Variants in DCC observed in about 807,000 individuals in gnomAD.
The protein encoded by DCC is DCC netrin 1 receptor.
A neutral mutation model predicts 172.5 loss-of-function variants in DCC; 58 were observed. That is an observed-to-expected ratio of 0.34 (90% CI 0.27 to 0.42). DCC has a LOEUF of 0.42. DCC is among the 10% of genes least tolerant of loss of function. The pLI is 1.00. For missense variants in DCC, 1,740 were observed against 1,791.0 expected, an observed-to-expected ratio of 0.97 and a Z score of 0.51; for synonymous variants, 709 against 644.5, an observed-to-expected ratio of 1.10 and a Z score of -1.52.
intron 5 of DCC, among the ~76,000 whole-genome samples, chr18:52,949,223 G>A (rs189759251): frequency 2.8e-4 from 43 of 152,310 alleles, no homozygotes; most frequent in Admixed American, 2.4e-3. Context: ...AACTTGAGAG[G>A]CTGAGACTGC....
intron 9 of DCC, among the ~76,000 whole-genome samples, chr18:53,179,908 G>A (rs963643588): frequency 6.6e-6 from 1 of 152,102 alleles, no homozygotes; most frequent in African/African-American, 2.4e-5. Context: ...TGAAATGCAT[G>A]GCTACTTGTT....
chr18:52,865,090 C>T (rs1308838856), intron 2 of DCC, among the ~76,000 whole-genome samples: 3 of 152,066 alleles, frequency 2.0e-5, no homozygotes, highest in African/African-American at 4.8e-5. Flanking sequence ...TGGTCTTGAT[C>T]TCCTGACCTC....
At chr18:52,941,065 A>G (rs2145523326) in intron 5 of DCC, 1 of 152,232 alleles carries the variant, frequency 6.6e-6, no homozygotes, top group Non-Finnish European at 1.5e-5. Context: ...GTGAAAAGGG[A>G]CACAATCAAA....
intron 7 of DCC, among the ~76,000 whole-genome samples, chr18:53,123,342 A>G (rs1265053829): frequency 2.6e-5 from 4 of 151,980 alleles, no homozygotes; most frequent in Non-Finnish European, 4.4e-5. Flanking sequence ...CAATATAGAC[A>G]AGACCTACAA....
At chr18:53,037,478 C>T (rs1163770964) in intron 5 of DCC, among the ~76,000 whole-genome samples, 2 of 151,922 alleles carry the variant, frequency 1.3e-5, no homozygotes, top group African/African-American at 4.8e-5. Flanking sequence ...GTCATTTGTA[C>T]AGCCTCGCTC....
intron 1 of DCC, among the ~76,000 whole-genome samples, chr18:52,736,513 G>T (rs1303418480): frequency 6.6e-6 from 1 of 152,050 alleles, no homozygotes; most frequent in South Asian, 2.1e-4. Flanking sequence ...AAGAGCGAGG[G>T]CACATTTTTC....
intron 2 of DCC, among the ~76,000 whole-genome samples, chr18:52,832,366 C>T (rs550586940): frequency 1.9e-4 from 29 of 152,214 alleles, no homozygotes; most frequent in African/African-American, 6.7e-4. Flanking sequence ...TTGTGGGGGG[C>T]TCTGACTTTT....
chr18:52,938,314 T>C (rs1046163125), intron 5 of DCC, among the ~76,000 whole-genome samples: 1 of 152,122 alleles, frequency 6.6e-6, no homozygotes, highest in Non-Finnish European at 1.5e-5. Flanking sequence ...GCATATGTGA[T>C]CATGAACCAA....
At chr18:52,724,188 C>A (rs772654880) in intron 1 of DCC, among the ~76,000 whole-genome samples, 21 of 152,074 alleles carry the variant, frequency 1.4e-4, no homozygotes, top group Non-Finnish European at 2.2e-4. Context: ...ACTCTGTTGC[C>A]CAGGCTGGAG....
intron 1 of DCC, among the ~76,000 whole-genome samples, chr18:52,515,606 C>CAAAAAAAA (rs58112743): frequency 0.099 from 1,019 of 10,282 alleles, 248 homozygotes; most frequent in East Asian, 0.45. Flanking sequence ...AACCCTGTCT[C>CAAAAAAAA]AAAAAAAAAA....
chr18:53,102,871 A>T (rs1043305891), intron 7 of DCC, among the ~76,000 whole-genome samples: 32 of 152,086 alleles, frequency 2.1e-4, no homozygotes, highest in African/African-American at 7.5e-4. Context: ...TGTGTAAGGT[A>T]GCCTTTCTGC....
chr18:53,529,028 T>C (rs1245508050), intron 28 of DCC, among the ~76,000 whole-genome samples: 11 of 65,390 alleles, frequency 1.7e-4, no homozygotes. Context: ...TCTCTCTCTC[T>C]CTCTCTCTCT....
At chr18:53,039,469 G>A (rs558214108) in intron 5 of DCC, among the ~76,000 whole-genome samples, 3 of 152,070 alleles carry the variant, frequency 2.0e-5, no homozygotes, top group East Asian at 1.9e-4. Flanking sequence ...TTGTACTTTC[G>A]TAGCCAACTA....
At chr18:53,088,713 T>TA (rs1266505113) in intron 7 of DCC, among the ~76,000 whole-genome samples, 2 of 152,100 alleles carry the variant, frequency 1.3e-5, no homozygotes, top group Non-Finnish European at 2.9e-5. Context: ...ATAGACGCAA[T>TA]AAAAAATGGT....
chr18:53,455,740 C>T (rs902760122), intron 23 of DCC, among the ~76,000 whole-genome samples: 6 of 152,150 alleles, frequency 3.9e-5, no homozygotes, highest in South Asian at 2.1e-4. Flanking sequence ...TGGGCCAAGG[C>T]CTCCTATGTT....
In DCC at chr18:52,602,169, T is replaced by C. The variant is rs529068211; in HGVS notation, c.92-149885T>C. 2.0e-5 allele frequency among the ~76,000 whole-genome samples: 3 copies of C among 152,222 alleles called. No individual in the cohort carries two copies. In the East Asian group the frequency reaches 5.8e-4, roughly 29 times the overall value. On this transcript the variant is annotated intron_variant, in intron 1 of 28. Coordinates refer to ENST00000442544, the MANE Select transcript of DCC (RefSeq NM_005215.4). ...AGGTCTAATTTCTAATGAGCACAAA[T>C]GTGTTTACTTGAATATATGATTATT...
intron 20 of DCC, among the ~76,000 whole-genome samples, chr18:53,411,744 G>A (rs1304681493): frequency 6.6e-6 from 1 of 152,130 alleles, no homozygotes; most frequent in Non-Finnish European, 1.5e-5. Context: ...TTGCATGACA[G>A]TTCTTAATGG....
chr18:52,695,068 G>T (rs537855030), intron 1 of DCC, among the ~76,000 whole-genome samples: 2 of 152,188 alleles, frequency 1.3e-5, no homozygotes, highest in East Asian at 3.9e-4. Context: ...TTTGACATCA[G>T]CTGTAAAGTT....
At chr18:53,432,230 A>G (rs972468774) in intron 21 of DCC, among the ~76,000 whole-genome samples, 3 of 152,112 alleles carry the variant, frequency 2.0e-5, no homozygotes, top group Non-Finnish European at 4.4e-5. Flanking sequence ...AATGTCAGAA[A>G]ATATTAAGAA....
Sources: allele counts gnomAD v4.1 joint callset (sites outside exome capture counted in the v4.1 genomes callset), GRCh38; gene constraint gnomAD v4.1.1; transcripts MANE v1.5; gene names NCBI Gene and HGNC (gene_info 2026-07-23, HGNC 2026-07-21).